NISCH: variants seen among roughly 807,000 people sequenced by gnomAD.
NISCH encodes the protein I-1 receptor candidate protein.
NISCH carries 55 observed loss-of-function variants against 138.4 expected under a neutral mutation model. That is an observed-to-expected ratio of 0.40 (90% CI 0.32 to 0.50). NISCH has a LOEUF of 0.50. Ranked by LOEUF, NISCH falls within the 20% of genes least tolerant of loss-of-function variation. The pLI, the probability that NISCH is intolerant of heterozygous loss-of-function variation, is 0.71. For synonymous variants in NISCH, 860 were observed against 861.5 expected (o/e 1.00, Z 0.03); for missense variants, 1,643 against 2,005.5 (o/e 0.82, Z 3.45).
chr3:52,487,308 CT>C lies in NISCH; in HGVS notation c.1817del (p.Leu606ArgfsTer4). 6.2e-7 allele frequency: 1 copy of C among 1,614,202 alleles called. No individual in the cohort carries two copies. Among genetic ancestry groups the C allele is most frequent in the Non-Finnish European group, 8.5e-7 (1 of 1,180,052 alleles). ...CACCAATCAGGACTTCATCCAGCGC[CT>C]GAGCACACTGATCCGGCAGGCCATC... is the stretch of plus-strand genomic sequence containing the variant. ...TATNQDFIQR[L>X]STLIRQAIER... is the part of the protein sequence containing the mutation. On this transcript the variant is annotated frameshift_variant, in exon 16 of 21. Transcript: ENST00000345716. LOFTEE classifies it high-confidence loss of function. The surrounding 1 kb of genome is among the most constrained non-coding windows in gnomAD (Gnocchi z 9.1).
chr3:52,484,563 G>A lies in NISCH; in HGVS notation c.1579G>A (p.Asp527Asn). Residue 527 changes from aspartate (D) to asparagine (N), a missense_variant, in exon 14 of 21, where the codon GAC becomes AAC. Asp to Asn is a conservative substitution (Grantham distance 23, BLOSUM62 1). Coordinates refer to ENST00000345716, the MANE Select transcript of NISCH (RefSeq NM_007184.4). ...CCTGGCCAGCAGCCTCTCGTCCACTGACAGTCTGACTCCCGAGCACCAGCC... is the reference window on the plus strand; with the variant it reads ...CCTGGCCAGCAGCCTCTCGTCCACTAACAGTCTGACTCCCGAGCACCAGCC... ...EALASSLSST[D>N]SLTPEHQPIA... 1 of 1,605,262 alleles carries A rather than the reference G, an allele frequency of 6.2e-7. No individual in the cohort carries two copies. The highest frequency in any genetic ancestry group is 8.5e-7 in the Non-Finnish European group (1 of 1,175,836).
At chr3:52,462,216 C>T (rs552782690) in intron 3 of NISCH, among the ~76,000 whole-genome samples, 28 of 152,178 alleles carry the variant, frequency 1.8e-4, no homozygotes, top group Non-Finnish European at 3.1e-4. Context: ...TTGAACCCAT[C>T]GTTGGATTAA....
intron 5 of NISCH, among the ~76,000 whole-genome samples, 156 bp from the exon 6 acceptor site, chr3:52,472,147 G>C (rs146925696): frequency 3.3e-5 from 5 of 152,174 alleles, no homozygotes; most frequent in Admixed American, 1.3e-4. Flanking sequence ...CCAGGGGGCG[G>C]TCGTGACCCA....
In NISCH at chr3:52,455,691, A is replaced by T. The variant is rs1159704460; in HGVS notation, c.50A>T (p.Lys17Met). 2 of 1,365,224 alleles carry T rather than the reference A, an allele frequency of 1.5e-6. No individual in the cohort carries two copies. The highest frequency in any genetic ancestry group is 5.8e-5 in the Admixed American group (2 of 34,232). 84.6% of individuals were successfully genotyped at this position (1,365,224 alleles called of 1,614,324 possible). The change falls in exon 1 of 21, where the codon AAG becomes ATG. Residue 17 changes from lysine to methionine, a missense_variant. Transcript: ENST00000345716. ...FGPEREAEPA[K>M]EARVVGSELV... ...CCCGAGCGGGAAGCCGAGCCGGCCAAGGAAGCGCGCGTCGTGGGCTCGGAG... is the reference window on the plus strand; with the variant it reads ...CCCGAGCGGGAAGCCGAGCCGGCCATGGAAGCGCGCGTCGTGGGCTCGGAG...
At chr3:52,478,676 G>C in intron 11 of NISCH, 99 bp downstream of exon 11, 1 of 1,160,178 alleles carries the variant, frequency 8.6e-7, no homozygotes, top group Non-Finnish European at 1.3e-6. Context: ...TTCTACCCTT[G>C]CCTGCTTCAG....
chr3:52,482,962 G>A (rs904527833), intron 13 of NISCH, among the ~76,000 whole-genome samples: 17 of 152,214 alleles, frequency 1.1e-4, no homozygotes, highest in Admixed American at 7.9e-4. Flanking sequence ...AACAGGGTAG[G>A]ATGGTGTGGG....
At chr3:52,461,779 C>T (rs1403816285) in intron 3 of NISCH, among the ~76,000 whole-genome samples, 1 of 150,586 alleles carries the variant, frequency 6.6e-6, no homozygotes. Flanking sequence ...AGGAGAATGG[C>T]GTGAACCCGG....
rs754330728 is a variant in NISCH, at chr3:52,478,144, C to G, written c.1035C>G (p.Ser345=). The change falls in exon 10 of 21, where the codon TCC becomes TCG. Residue 345 remains serine (S), a synonymous_variant. Coordinates refer to ENST00000345716, the MANE Select transcript of NISCH (RefSeq NM_007184.4). ...TGGACCTGTCCTACAACAAGCTCTC[C>G]TCCTTGGAAGGGCTTCACACCAAGC... ...VHLDLSYNKL[S]SLEGLHTKLG... 6.2e-7 allele frequency: 1 copy of G among 1,614,166 alleles called. No individual in the cohort carries two copies. The highest frequency in any genetic ancestry group is 1.1e-5 in the South Asian group (1 of 91,078).
At chr3:52,486,952 A>T (rs1314075798) in intron 15 of NISCH, among the ~76,000 whole-genome samples, 2 of 152,202 alleles carry the variant, frequency 1.3e-5, no homozygotes, top group Non-Finnish European at 2.9e-5. Context: ...TGTGCCAGGC[A>T]CCTATGGTCC....
intron 8 of NISCH, 72 bp from the exon 9 acceptor site, chr3:52,477,502 T>C: frequency 7.6e-7 from 1 of 1,314,656 alleles, no homozygotes; most frequent in Non-Finnish European, 1.1e-6. Flanking sequence ...GGGGTGCCCG[T>C]CCACTGTGTC....
intron 6 of NISCH, among the ~76,000 whole-genome samples, chr3:52,472,826 C>G (rs1442592807): frequency 2.0e-5 from 3 of 152,274 alleles, no homozygotes; most frequent in African/African-American, 7.2e-5. Context: ...AAGAAACACT[C>G]TGCATCTGTC....
In NISCH at chr3:52,487,243, A is replaced by G. The variant is rs775854951; in HGVS notation, c.1751A>G (p.Gln584Arg). 6.2e-7 allele frequency: 1 copy of G among 1,614,172 alleles called. No individual in the cohort carries two copies. Among genetic ancestry groups the G allele is most frequent in the South Asian group, 1.1e-5 (1 of 91,080 alleles). The change falls in exon 16 of 21, where the codon CAG (glutamine) becomes CGG (arginine). Residue 584 changes from glutamine (Q) to arginine (R), a missense_variant. By Grantham distance (43) the Gln-to-Arg change is conservative. Coordinates refer to ENST00000345716, the MANE Select transcript of NISCH (RefSeq NM_007184.4). This position sits in a 1 kb window ranked among gnomAD's most constrained non-coding sequence, Gnocchi z 9.1. ...PEVQVVPGSG[Q>R]IIFLPFTCIG... is the part of the protein sequence containing the mutation. Reference sequence around the variant, plus strand: ...GTCCAGGTGGTGCCGGGGTCTGGCCAGATCATCTTCCTGCCCTTCACCTGC... The same window carrying G: ...GTCCAGGTGGTGCCGGGGTCTGGCCGGATCATCTTCCTGCCCTTCACCTGC...
At chr3:52,467,055 C>CA (rs1426725744) in intron 3 of NISCH, among the ~76,000 whole-genome samples, 1 of 140,272 alleles carries the variant, frequency 7.1e-6, no homozygotes, top group East Asian at 2.1e-4. Context: ...GGCTGGAGTG[C>CA]AATGATGCAA....
Position 52,475,229 on chromosome 3 carries a change from T to C in NISCH, c.766-1218T>C, listed in dbSNP as rs559482980. On this transcript the variant is annotated intron_variant, in intron 7 of 20. Coordinates refer to ENST00000345716, the MANE Select transcript of NISCH (RefSeq NM_007184.4). ...AAAAAAATTGGATTTGGTGAAAAAT[T>C]TTCCTCTTGAGGCTTGCAGAGAGTG... 6.6e-5 allele frequency among the ~76,000 whole-genome samples: 10 copies of C among 151,976 alleles called. No individual in the cohort carries two copies. The South Asian group carries it at 2.1e-3, about 32-fold the overall frequency.
At chr3:52,459,721 A>T (rs1706577698) in intron 3 of NISCH, among the ~76,000 whole-genome samples, 1 of 151,786 alleles carries the variant, frequency 6.6e-6, no homozygotes, top group South Asian at 2.1e-4. Context: ...GGCGTGTGCC[A>T]CCGCACCTGG....
intron 13 of NISCH, chr3:52,484,152 C>T (rs554462468): frequency 1.1e-3 from 221 of 209,052 alleles, no homozygotes; most frequent in African/African-American, 4.3e-3. Flanking sequence ...GATATAAATC[C>T]TTGTCAAATA....
chr3:52,486,699 C>T (rs1707410515), intron 15 of NISCH: 1 of 157,228 alleles, frequency 6.4e-6, no homozygotes, highest in Non-Finnish European at 1.4e-5. Context: ...TGACCCTTTA[C>T]AGAAGCTTAC....
chr3:52,487,060 G>A lies in NISCH; in HGVS notation c.1704-136G>A. On this transcript the variant is annotated intron_variant, in intron 15 of 20. Coordinates refer to ENST00000345716, the MANE Select transcript of NISCH (RefSeq NM_007184.4). The surrounding 1 kb of genome is among the most constrained non-coding windows in gnomAD (Gnocchi z 9.1). ...GGGCCCTCATCCTGGGAACTGACTT[G>A]GCCATGTGGGAGGCTTGGGAGACCC... 1 of 971,158 alleles carries A rather than the reference G, an allele frequency of 1.0e-6. No individual in the cohort carries two copies. Among genetic ancestry groups the A allele is most frequent in the Non-Finnish European group, 1.5e-6 (1 of 665,024 alleles). 60.2% of individuals were successfully genotyped at this position (971,158 alleles called of 1,614,324 possible).
At position 52,455,724 on chromosome 3, in the gene NISCH, A is replaced by G; in HGVS notation, c.83A>G (p.Asp28Gly). ...CGCGTCGTGGGCTCGGAGCTTGTGG[A>G]CACTTATACGGTGTGTTGGGGGCGC... The part of the protein sequence containing the change: ...EARVVGSELV[D>G]TYTVYIIQVT... Residue 28 changes from aspartate (D) to glycine (G), a missense_variant, in exon 1 of 21, where the codon GAC (aspartate) becomes GGC (glycine). Physicochemically the swap from Asp to Gly is moderately conservative, Grantham distance 94. Coordinates refer to ENST00000345716, the MANE Select transcript of NISCH (RefSeq NM_007184.4). 7.3e-7 allele frequency: 1 copy of G among 1,364,840 alleles called. No individual in the cohort carries two copies. Among genetic ancestry groups the G allele is most frequent in the Non-Finnish European group, 9.5e-7 (1 of 1,048,316 alleles). The allele number at this position is 1,364,840 out of a possible 1,614,324, so 84.5% of individuals were successfully genotyped here.
Sources: gnomAD v4.1 joint callset for allele counts (sites outside exome capture counted in the v4.1 genomes callset) on GRCh38, gnomAD v4.1.1 for gene constraint, Gnocchi (gnomAD v3.1) non-coding constraint, MANE v1.5 for transcripts, NCBI Gene and HGNC (gene_info 2026-07-23, HGNC 2026-07-21) for gene names.